Variants in DNM3 observed in about 807,000 individuals in gnomAD.
DNM3 encodes the protein dynamin-3.
A neutral mutation model predicts 101.6 loss-of-function variants in DNM3; 47 were observed. The ratio of observed to expected loss-of-function variants is 0.46; its 90% CI spans 0.37 to 0.59. DNM3 has a LOEUF of 0.59. Among genes scored for constraint, DNM3 ranks in the 20% least tolerant of loss-of-function variants. The probability of loss-of-function intolerance (pLI) is 0.00; values close to 1 mark genes in which losing one functional copy is unlikely to be tolerated. For synonymous variants in DNM3, 385 were observed against 387.9 expected, an observed-to-expected ratio of 0.99 and a Z score of 0.09; for missense variants, 849 against 1,085.7, an observed-to-expected ratio of 0.78 and a Z score of 3.06.
intron 14 of DNM3, among the ~76,000 whole-genome samples, chr1:172,147,539 A>G (rs1332097833): frequency 2.0e-5 from 3 of 152,144 alleles, no homozygotes; most frequent in African/African-American, 7.2e-5. Flanking sequence ...ACGCTGTTTC[A>G]GTTAGTTATT....
intron 17 of DNM3, among the ~76,000 whole-genome samples, chr1:172,327,620 G>A (rs1419163823): frequency 1.3e-5 from 2 of 152,072 alleles, no homozygotes; most frequent in African/African-American, 4.8e-5. Context: ...AACACTCTAA[G>A]CAATTTAGGT....
chr1:172,156,410 A>AATTTAT (rs1186769337), intron 14 of DNM3, among the ~76,000 whole-genome samples: 1 of 152,014 alleles, frequency 6.6e-6, no homozygotes, highest in Non-Finnish European at 1.5e-5. Flanking sequence ...AGGTGCCTGC[A>AATTTAT]ATTTATATTT....
intron 15 of DNM3, among the ~76,000 whole-genome samples, chr1:172,291,998 T>G (rs907410310): frequency 1.3e-5 from 2 of 152,146 alleles, no homozygotes; most frequent in Non-Finnish European, 2.9e-5. Flanking sequence ...AATATAATAA[T>G]GCTAAACAAA....
intron 1 of DNM3, among the ~76,000 whole-genome samples, chr1:171,879,833 C>G (rs2036111740): frequency 6.6e-6 from 1 of 152,234 alleles, no homozygotes; most frequent in African/African-American, 2.4e-5. Flanking sequence ...CTGCTACCAG[C>G]ATTGTTAGCT....
chr1:172,042,696 C>G (rs1239436795), intron 8 of DNM3, among the ~76,000 whole-genome samples: 2 of 152,008 alleles, frequency 1.3e-5, no homozygotes, highest in African/African-American at 4.8e-5. Flanking sequence ...AAGTAGCAAC[C>G]TCGGGTAAGG....
chr1:172,211,419 A>C (rs2148522210), intron 14 of DNM3, among the ~76,000 whole-genome samples: 1 of 152,250 alleles, frequency 6.6e-6, no homozygotes, highest in Admixed American at 6.5e-5. Flanking sequence ...AAAGTCTTAT[A>C]GTCTGGGAGA....
chr1:172,302,255 G>T (rs1335277725), intron 15 of DNM3, among the ~76,000 whole-genome samples: 1 of 152,252 alleles, frequency 6.6e-6, no homozygotes, highest in Non-Finnish European at 1.5e-5. Context: ...CACCCACGGA[G>T]CCTTGCTCAC....
At chr1:171,947,119 T>C (rs1425357724) in intron 2 of DNM3, among the ~76,000 whole-genome samples, 2 of 152,150 alleles carry the variant, frequency 1.3e-5, no homozygotes, top group African/African-American at 4.8e-5. Context: ...ATTGGTGCAG[T>C]GGTGGGATTA....
intron 13 of DNM3, among the ~76,000 whole-genome samples, chr1:172,124,508 C>T (rs1379996046): frequency 6.6e-6 from 1 of 152,160 alleles, no homozygotes; most frequent in Non-Finnish European, 1.5e-5. Context: ...CCTCCTGCCT[C>T]CTGTTACAAA....
At chr1:171,980,887 C>T (rs2044743483) in intron 2 of DNM3, among the ~76,000 whole-genome samples, 1 of 150,984 alleles carries the variant, frequency 6.6e-6, no homozygotes, top group South Asian at 2.1e-4. Flanking sequence ...TCTCCTGCCT[C>T]AGCCTCCTGA....
chr1:172,197,893 C>T (rs190712919), intron 14 of DNM3, among the ~76,000 whole-genome samples: 15 of 152,168 alleles, frequency 9.9e-5, no homozygotes, highest in Admixed American at 3.3e-4. Flanking sequence ...TATTTGGATG[C>T]GCTTTTTTCT....
intron 1 of DNM3, among the ~76,000 whole-genome samples, chr1:171,881,183 A>G (rs761148311): frequency 6.6e-5 from 10 of 152,184 alleles, no homozygotes; most frequent in Non-Finnish European, 1.3e-4. Flanking sequence ...TTAATTCCGT[A>G]TGAAACATTT....
At chr1:172,398,855 A>T (rs1022075878) in intron 20 of DNM3, among the ~76,000 whole-genome samples, 3 of 152,216 alleles carry the variant, frequency 2.0e-5, no homozygotes, top group African/African-American at 7.2e-5. Context: ...AGGAGCTTGT[A>T]TAAAAATTTA....
downstream of DNM3, chr1:172,412,806 T>C (rs2071284596): frequency 1.1e-6 from 1 of 922,032 alleles, no homozygotes; most frequent in Admixed American, 6.2e-5. Context: ...GCTCTTTTGA[T>C]TAAATTGTCC....
chr1:172,259,921 T>C (rs2148708619), intron 15 of DNM3, among the ~76,000 whole-genome samples: 1 of 152,212 alleles, frequency 6.6e-6, no homozygotes, highest in Non-Finnish European at 1.5e-5. Context: ...CCACTAGTGG[T>C]TTTTATATTT....
intron 15 of DNM3, among the ~76,000 whole-genome samples, chr1:172,259,620 C>A (rs1002749913): frequency 1.3e-5 from 2 of 152,000 alleles, no homozygotes; most frequent in African/African-American, 2.4e-5. Flanking sequence ...CCTTTATTTT[C>A]AGTTTATATA....
intron 13 of DNM3, among the ~76,000 whole-genome samples, chr1:172,107,031 T>G (rs2055099600): frequency 6.7e-6 from 1 of 148,572 alleles, no homozygotes; most frequent in Non-Finnish European, 1.5e-5. Flanking sequence ...CGGCTAATTT[T>G]TTGTATTTTT....
intron 14 of DNM3, among the ~76,000 whole-genome samples, chr1:172,148,963 G>T (rs183732332): frequency 1.2e-3 from 190 of 152,140 alleles, no homozygotes; most frequent in African/African-American, 3.8e-3. Context: ...TGCAACATCA[G>T]CCTGTAAAAT....
chr1:171,874,772 A>G (rs2035606184), intron 1 of DNM3, among the ~76,000 whole-genome samples: 1 of 151,530 alleles, frequency 6.6e-6, no homozygotes, highest in Non-Finnish European at 1.5e-5. Flanking sequence ...CCGGTAGTGA[A>G]CATAGTACCC....
Sources: allele counts gnomAD v4.1 joint callset (sites outside exome capture counted in the v4.1 genomes callset), GRCh38; gene constraint gnomAD v4.1.1; transcripts MANE v1.5; gene names NCBI Gene and HGNC (gene_info 2026-07-23, HGNC 2026-07-21).